Variants in LRMDA observed in about 807,000 individuals in gnomAD.
The protein encoded by LRMDA is leucine rich melanocyte differentiation associated.
Under a neutral mutation model 29.8 loss-of-function variants are expected in LRMDA, and 18 were observed. The observed-to-expected ratio is 0.60, with a 90% CI of 0.42 to 0.90. The LOEUF is 0.90. LRMDA is among the 40% of genes least tolerant of loss of function. LRMDA has a pLI of 0.00. For missense variants in LRMDA, 273 were observed against 273.9 expected, an observed-to-expected ratio of 1.00 and a Z score of 0.02; for synonymous variants, 125 against 109.4, an observed-to-expected ratio of 1.14 and a Z score of -0.89.
intron 2 of LRMDA, among the ~76,000 whole-genome samples, chr10:75,756,728 TG>T (rs1319227660): frequency 1.3e-5 from 2 of 152,210 alleles, no homozygotes; most frequent in African/African-American, 4.8e-5. Context: ...TCATGTGGGC[TG>T]GTATCACATG....
chr10:76,540,483 C>T (rs1174348221), intron 6 of LRMDA, among the ~76,000 whole-genome samples: 20 of 152,204 alleles, frequency 1.3e-4, no homozygotes. Flanking sequence ...TAATGCGAGT[C>T]ATGAATAACA....
At chr10:76,538,509 T>C (rs2132381521) in intron 6 of LRMDA, among the ~76,000 whole-genome samples, 2 of 147,840 alleles carry the variant, frequency 1.4e-5, no homozygotes, top group East Asian at 3.9e-4. Flanking sequence ...TGTATATATA[T>C]ATGTATATAC....
At chr10:75,465,280 A>C (rs781750926) in intron 2 of LRMDA, among the ~76,000 whole-genome samples, 39 of 152,176 alleles carry the variant, frequency 2.6e-4, no homozygotes, top group Non-Finnish European at 5.3e-4. Flanking sequence ...GTGGAGGTAC[A>C]TTAGTAAAAA....
chr10:75,958,840 C>T (rs1280611775), intron 2 of LRMDA, among the ~76,000 whole-genome samples: 2 of 152,108 alleles, frequency 1.3e-5, no homozygotes, highest in African/African-American at 4.8e-5. Context: ...ACAATCGTGG[C>T]AGAAGGTGGA....
At chr10:75,756,269 G>A (rs1004511987) in intron 2 of LRMDA, among the ~76,000 whole-genome samples, 11 of 152,162 alleles carry the variant, frequency 7.2e-5, no homozygotes, top group South Asian at 4.1e-4. Flanking sequence ...TATTGCGTAG[G>A]ACTTCCAGAA....
At chr10:76,255,713 T>C (rs1217659318) in intron 5 of LRMDA, among the ~76,000 whole-genome samples, 1 of 152,180 alleles carries the variant, frequency 6.6e-6, no homozygotes, top group East Asian at 1.9e-4. Context: ...TAGATTTAAA[T>C]CATTCCGAAA....
chr10:76,426,961 G>A (rs1381709741), intron 6 of LRMDA, among the ~76,000 whole-genome samples: 1 of 152,052 alleles, frequency 6.6e-6, no homozygotes. Context: ...CCATTGGTCT[G>A]TGTCTCTGTT....
chr10:76,033,007 T>C (rs1370200842), intron 2 of LRMDA, among the ~76,000 whole-genome samples: 2 of 152,120 alleles, frequency 1.3e-5, no homozygotes, highest in African/African-American at 4.8e-5. Context: ...AACTCAAAGA[T>C]CTACACACAT....
chr10:76,374,396 A>G (rs1328223214), intron 6 of LRMDA, among the ~76,000 whole-genome samples: 1 of 152,204 alleles, frequency 6.6e-6, no homozygotes, highest in Non-Finnish European at 1.5e-5. Context: ...TTTTAATGGC[A>G]GATGAAAGGA....
chr10:76,538,391 G>T (rs1843313059), intron 6 of LRMDA, among the ~76,000 whole-genome samples: 1 of 150,030 alleles, frequency 6.7e-6, no homozygotes, highest in Non-Finnish European at 1.5e-5. Context: ...TTACCAAAAA[G>T]TAGCTGAGTT....
At chr10:76,011,149 A>T (rs570277199) in intron 2 of LRMDA, among the ~76,000 whole-genome samples, 2 of 152,194 alleles carry the variant, frequency 1.3e-5, no homozygotes, top group Non-Finnish European at 2.9e-5. Context: ...TAGAGAGTGG[A>T]TATATTTTTT....
At chr10:76,320,080 A>G (rs1259082606) in intron 5 of LRMDA, among the ~76,000 whole-genome samples, 2 of 152,132 alleles carry the variant, frequency 1.3e-5, no homozygotes, top group African/African-American at 4.8e-5. Context: ...AATTTTATGC[A>G]TTTATCAGTT....
chr10:75,623,987 A>G (rs1276748492), intron 2 of LRMDA, among the ~76,000 whole-genome samples: 1 of 152,182 alleles, frequency 6.6e-6, no homozygotes, highest in African/African-American at 2.4e-5. Context: ...TCAACTGTGC[A>G]CTTGAGAGGG....
In LRMDA at chr10:75,535,985, G is replaced by A. The variant is rs147779770; in HGVS notation, c.131+97491G>A. Among the ~76,000 whole-genome samples the A allele has an allele frequency of 2.6e-5, 4 of 152,218 alleles. No homozygotes were observed. In the East Asian group the frequency reaches 7.7e-4, roughly 29 times the overall value. ...TCTATGCAATCCTGTAGAATGAGAG[G>A]TTGGGTTGGCTGGTGTTCTGGATTG... On this transcript the variant is annotated intron_variant, in intron 2 of 6. Transcript: ENST00000611255.
At chr10:75,563,757 C>T (rs1310808417) in intron 2 of LRMDA, among the ~76,000 whole-genome samples, 2 of 152,062 alleles carry the variant, frequency 1.3e-5, no homozygotes, top group African/African-American at 4.8e-5. Context: ...CAGACAGGAC[C>T]CTCAGCTGCA....
intron 2 of LRMDA, among the ~76,000 whole-genome samples, chr10:75,879,327 C>G (rs955375749): frequency 6.6e-6 from 1 of 152,208 alleles, no homozygotes. Flanking sequence ...GCCCTGCGTA[C>G]CTTTGCCCTT....
chr10:75,594,948 G>A (rs1840767967), intron 2 of LRMDA, among the ~76,000 whole-genome samples: 1 of 152,032 alleles, frequency 6.6e-6, no homozygotes, highest in Non-Finnish European at 1.5e-5. Flanking sequence ...ATTGATGAAA[G>A]ATGAAAAAGG....
intron 6 of LRMDA, among the ~76,000 whole-genome samples, chr10:76,460,052 C>T (rs1342328367): frequency 2.0e-5 from 3 of 152,106 alleles, no homozygotes; most frequent in South Asian, 2.1e-4. Context: ...CAAGATAGAC[C>T]GTCAGTCTGG....
Position 75,558,458 on chromosome 10 carries a change from C to T in LRMDA, c.131+119964C>T, listed in dbSNP as rs1322720990. On this transcript the variant is annotated intron_variant, in intron 2 of 6. Coordinates refer to ENST00000611255, the MANE Select transcript of LRMDA (RefSeq NM_001305581.2). Reference sequence around the variant, plus strand: ...ATTCAGTCATTGATTCAGTCATTATCAGTCATGTGACTTCTGTCTTATATC... The same window carrying T: ...ATTCAGTCATTGATTCAGTCATTATTAGTCATGTGACTTCTGTCTTATATC... 2.6e-5 allele frequency among the ~76,000 whole-genome samples: 4 copies of T among 152,128 alleles called. No homozygotes were observed. In the East Asian group the frequency reaches 7.7e-4, roughly 29 times the overall value.
Sources: allele counts gnomAD v4.1 joint callset (sites outside exome capture counted in the v4.1 genomes callset), GRCh38; gene constraint gnomAD v4.1.1; transcripts MANE v1.5; gene names NCBI Gene and HGNC (gene_info 2026-07-23, HGNC 2026-07-21).